MMD2: variants seen among roughly 807,000 people sequenced by gnomAD.
MMD2 encodes monocyte to macrophage differentiation factor 2.
In MMD2, 30 loss-of-function variants were observed where a neutral mutation model predicts 33.5. That is an observed-to-expected ratio of 0.90 (90% CI 0.67 to 1.22). The LOEUF is 1.22. Ranked by LOEUF, MMD2 falls within the 50% of genes most tolerant of loss-of-function variation. MMD2 has a pLI of 0.00. For missense variants in MMD2, 364 were observed against 325.4 expected (o/e 1.12, Z -0.91); for synonymous variants, 129 against 123.0 (o/e 1.05, Z -0.32).
At chr7:4,954,418 A>ATTTT (rs113847657) in intron 1 of MMD2, among the ~76,000 whole-genome samples, 1 of 150,996 alleles carries the variant, frequency 6.6e-6, no homozygotes, top group Non-Finnish European at 1.5e-5. Flanking sequence ...CAGAAACTTA[A>ATTTT]TTTTTTTTTC....
chr7:4,908,054 C>G (rs1199845314), intron 6 of MMD2, among the ~76,000 whole-genome samples: 2 of 152,142 alleles, frequency 1.3e-5, no homozygotes, highest in East Asian at 3.8e-4. Context: ...CAGTGCTTCT[C>G]CCACCTCGGC....
At chr7:4,895,548 T>C in the MMD2 span, among the ~76,000 whole-genome samples, 1 of 151,494 alleles carries the variant, frequency 6.6e-6, no homozygotes, top group Non-Finnish European at 1.5e-5. Context: ...TTTTCTTTTC[T>C]TTTTTTGAGA....
downstream of MMD2, among the ~76,000 whole-genome samples, chr7:4,903,940 C>T (rs1428675493): frequency 6.6e-6 from 1 of 151,216 alleles, no homozygotes; most frequent in Non-Finnish European, 1.5e-5. Flanking sequence ...CCTCCCCACC[C>T]TTTTTTTTTG....
chr7:4,897,985 A>G, the MMD2 span, among the ~76,000 whole-genome samples: 1 of 151,962 alleles, frequency 6.6e-6, no homozygotes, highest in Non-Finnish European at 1.5e-5. Context: ...TGATCCACCC[A>G]CCTTGGCCTC....
the MMD2 span, among the ~76,000 whole-genome samples, chr7:4,894,654 G>A: frequency 1.0e-3 from 154 of 152,100 alleles, no homozygotes; most frequent in Non-Finnish European, 1.3e-3. The surrounding 1 kb of genome is among the most constrained non-coding windows in gnomAD (Gnocchi z 4.3). Context: ...CACTCAGCCC[G>A]CCCCTGGCCA....
In MMD2 at chr7:4,907,463, G is replaced by A. The variant is rs774987790; in HGVS notation, c.674C>T (p.Thr225Ile). Residue 225 changes from threonine (T) to isoleucine (I), a missense_variant, in exon 7 of 7, where the codon ACC (threonine) becomes ATC (isoleucine). Coordinates refer to ENST00000401401, the MANE Select transcript of MMD2 (RefSeq NM_198403.4). ...GTACCTCCAGATGGCATAGTAGTGGGTACCAGCACCAAATGCTACAAAGAG... is the reference window on the plus strand; with the variant it reads ...GTACCTCCAGATGGCATAGTAGTGGATACCAGCACCAAATGCTACAAAGAG... ...WHLFVAFGAG[T>I]HYYAIWRYLY... The A allele has an allele frequency of 4.3e-6, 7 of 1,614,002 alleles. No individual in the cohort carries two copies. In the South Asian group the frequency reaches 7.7e-5, roughly 18 times the overall value.
At chr7:4,957,882 C>CCCTG (rs1347907638) in intron 1 of MMD2, among the ~76,000 whole-genome samples, 1 of 152,192 alleles carries the variant, frequency 6.6e-6, no homozygotes, top group East Asian at 1.9e-4. Context: ...ACCATCCTAG[C>CCCTG]CCTGAGCTCC....
In MMD2 at chr7:4,937,617, T is replaced by C. The variant is rs188193805; in HGVS notation, c.48-12085A>G. 1.0e-3 allele frequency among the ~76,000 whole-genome samples: 156 copies of C among 152,294 alleles called. 1 individual carries two copies. The highest frequency in any genetic ancestry group is 3.6e-3 in the African/African-American group (151 of 41,580). ...TCCAACTCCTGGATTCAAGCGATGT[T>C]CCTGCTTCAGCCTGCCAAGTAACTG... is the stretch of plus-strand genomic sequence containing the variant. On this transcript the variant is annotated intron_variant, in intron 1 of 6. Transcript: ENST00000401401.
At chr7:4,893,071 C>T in the MMD2 span, among the ~76,000 whole-genome samples, 5 of 152,106 alleles carry the variant, frequency 3.3e-5, no homozygotes, top group Admixed American at 2.0e-4. Flanking sequence ...CCTATGCACT[C>T]GTCTTGCTGT....
chr7:4,950,753 C>T (rs1291562047), intron 1 of MMD2, among the ~76,000 whole-genome samples: 4 of 149,938 alleles, frequency 2.7e-5, no homozygotes, highest in Admixed American at 1.3e-4. Flanking sequence ...CTCTGTCGCC[C>T]AGCAGGCTAG....
chr7:4,911,029 G>A, intron 5 of MMD2, 116 bp downstream of exon 5: 1 of 865,536 alleles, frequency 1.2e-6, no homozygotes, highest in Non-Finnish European at 1.8e-6. Context: ...GTGACAGCCA[G>A]AGCTGTGCTC....
intron 1 of MMD2, among the ~76,000 whole-genome samples, chr7:4,936,057 C>A (rs1400684842): frequency 6.6e-6 from 1 of 151,578 alleles, no homozygotes; most frequent in Non-Finnish European, 1.5e-5. Context: ...TGGTGGTGGG[C>A]ACCTGTAATC....
intron 1 of MMD2, among the ~76,000 whole-genome samples, chr7:4,944,953 C>A (rs1786015785): frequency 6.7e-6 from 1 of 149,696 alleles, no homozygotes; most frequent in Admixed American, 6.7e-5. Flanking sequence ...GTATTTTTAG[C>A]AGAGACGGGG....
chr7:4,896,573 G>C, the MMD2 span, among the ~76,000 whole-genome samples: 1 of 152,198 alleles, frequency 6.6e-6, no homozygotes, highest in African/African-American at 2.4e-5. Flanking sequence ...ATGTGTGCAT[G>C]AACATGCTTT....
At position 4,946,254 on chromosome 7, in the gene MMD2, C is replaced by T. The variant is rs1786084943; in HGVS notation, c.47+12717G>A. Among the ~76,000 whole-genome samples, 3 of 152,138 alleles carry T rather than the reference C, an allele frequency of 2.0e-5. No individual in the cohort carries two copies. In the South Asian group the frequency reaches 6.2e-4, roughly 32 times the overall value. On this transcript the variant is annotated intron_variant, in intron 1 of 6. Coordinates refer to ENST00000401401, the MANE Select transcript of MMD2 (RefSeq NM_198403.4). The surrounding 1 kb of genome is among the most constrained non-coding windows in gnomAD (Gnocchi z 5.0). ...ACGCACACACACGCACACCCCACCC[C>T]GTGCACACAATCCCAGGAGCTTCAC...
chr7:4,922,101 CT>C (rs1279679916), intron 2 of MMD2, among the ~76,000 whole-genome samples: 3 of 152,048 alleles, frequency 2.0e-5, no homozygotes, highest in Non-Finnish European at 4.4e-5. Flanking sequence ...TGGCATGCGT[CT>C]GTAATTCCAG....
intron 1 of MMD2, among the ~76,000 whole-genome samples, chr7:4,942,757 C>T (rs1020170753): frequency 5.9e-5 from 9 of 151,716 alleles, no homozygotes; most frequent in African/African-American, 1.7e-4. Flanking sequence ...GGACTACAGA[C>T]ACGTGCCACC....
rs75219396 is a variant in MMD2, at chr7:4,926,572, C to G, written c.48-1040G>C. Among the ~76,000 whole-genome samples the G allele has an allele frequency of 6.5e-3, 988 of 152,096 alleles. 11 individuals carry two copies. Among genetic ancestry groups the G allele is most frequent in the African/African-American group, 0.023 (946 of 41,512 alleles). On this transcript the variant is annotated intron_variant, in intron 1 of 6. Transcript: ENST00000401401. ...TGCCCCCTCCCATGGGTACCTCTTC[C>G]CAGGGAAACCACCCTCTGCCGTTGT... is the stretch of plus-strand genomic sequence containing the variant.
At chr7:4,900,643 G>A in the MMD2 span, among the ~76,000 whole-genome samples, 1 of 152,002 alleles carries the variant, frequency 6.6e-6, no homozygotes, top group African/African-American at 2.4e-5. Flanking sequence ...CCCAGCAGTG[G>A]AGCAACATGA....
Sources: gnomAD v4.1 joint callset for allele counts (sites outside exome capture counted in the v4.1 genomes callset) on GRCh38, gnomAD v4.1.1 for gene constraint, Gnocchi (gnomAD v3.1) non-coding constraint, MANE v1.5 for transcripts, NCBI Gene and HGNC (gene_info 2026-07-23, HGNC 2026-07-21) for gene names.